The following FBXO43 variants were observed in gnomAD, a reference collection of about 807,000 sequenced individuals.
The protein encoded by FBXO43 is F-box only protein 43.
FBXO43 carries 22 observed loss-of-function variants against 56.7 expected under a neutral mutation model. The ratio of observed to expected loss-of-function variants is 0.39; its 90% CI spans 0.28 to 0.55. The LOEUF is 0.55. Ranked by LOEUF, FBXO43 falls within the 20% of genes least tolerant of loss-of-function variation. The pLI is 0.66. For missense variants in FBXO43, 733 were observed against 814.9 expected, an observed-to-expected ratio of 0.90 and a Z score of 1.22; for synonymous variants, 306 against 294.5, an observed-to-expected ratio of 1.04 and a Z score of -0.40.
upstream of FBXO43, among the ~76,000 whole-genome samples, chr8:100,149,397 G>T (rs2453638): frequency 0.6 from 91,167 of 152,050 alleles, 27,634 homozygotes; most frequent in East Asian, 0.72. Context: ...GTCATCTTTC[G>T]CTTAGGATAA....
At position 100,137,981 on chromosome 8, in the gene FBXO43, A is replaced by G. The variant is rs1302988385; in HGVS notation, c.1572-314T>C. ...TTCAAATGTAACATTAAAAATTTGG[A>G]ACAAGAGATGCAGGAAATGATTGTC... is the stretch of plus-strand genomic sequence containing the variant. On this transcript the variant is annotated intron_variant, in intron 2 of 4. Transcript: ENST00000428847. Among the ~76,000 whole-genome samples the G allele has an allele frequency of 2.6e-5, 4 of 152,330 alleles. No individual in the cohort carries two copies. In the East Asian group the frequency reaches 7.7e-4, roughly 29 times the overall value.
intron 3 of FBXO43, 102 bp downstream of exon 3, chr8:100,137,462 GA>G: frequency 1.4e-6 from 1 of 706,872 alleles, no homozygotes; most frequent in Non-Finnish European, 2.3e-6. Flanking sequence ...TTGTTAAATG[GA>G]AAAGGTTAAA....
chr8:100,140,806 G>T lies in FBXO43; in HGVS notation c.1448C>A (p.Ala483Glu). Residue 483 changes from alanine to glutamate, a missense_variant, in exon 2 of 5, where the codon GCA (alanine) becomes GAA (glutamate). Physicochemically the swap from Ala to Glu is moderately radical, Grantham distance 107. Coordinates refer to ENST00000428847, the MANE Select transcript of FBXO43 (RefSeq NM_001029860.4). ...EKIAVLQCIL[A>E]GLIGKKMGIE... ...ACCCATTTTCTTGCCGATCAGTCCTGCAAGTATACACTGCAGTACAGCTAT... is the reference window on the plus strand; with the variant it reads ...ACCCATTTTCTTGCCGATCAGTCCTTCAAGTATACACTGCAGTACAGCTAT... The T allele has an allele frequency of 6.2e-7, 1 of 1,614,170 alleles. No individual in the cohort carries two copies. Among genetic ancestry groups the T allele is most frequent in the Non-Finnish European group, 8.5e-7 (1 of 1,180,020 alleles).
rs746267884 is a variant in FBXO43 at position 100,141,348 on chromosome 8, C to T, written c.906G>A (p.Pro302=). 1.4e-5 allele frequency: 22 copies of T among 1,613,436 alleles called. No homozygotes were observed. The highest frequency in any genetic ancestry group is 1.6e-4 in the Middle Eastern group (1 of 6,084). ...TAATGTTTGCCACAAGATTACTTATCGGAGTCACAAATATGTCCTCATCTG... is the reference window on the plus strand; with the variant it reads ...TAATGTTTGCCACAAGATTACTTATTGGAGTCACAAATATGTCCTCATCTG... ...CGTDEDIFVT[P]ISNLVANIRF... Residue 302 remains proline (P), a synonymous_variant, in exon 2 of 5, where the codon CCG becomes CCA. Transcript: ENST00000428847.
Position 100,141,317 on chromosome 8 carries a change from TA to T in FBXO43, c.936del (p.Phe312LeufsTer13). 1 of 1,614,026 alleles carries T rather than the reference TA, an allele frequency of 6.2e-7. No individual in the cohort carries two copies. Among genetic ancestry groups the T allele is most frequent in the Non-Finnish European group, 8.5e-7 (1 of 1,180,042 alleles). The stretch of plus-strand genomic sequence containing the variant: ...GAAGGAGAAAGTATTTGACTTGCGT[TA>T]AATCTAATGTTTGCCACAAGATTAC... ...PISNLVANIR[F>X]NASQILSPSP... On this transcript the variant is annotated frameshift_variant, in exon 2 of 5. Transcript: ENST00000428847. LOFTEE classifies it high-confidence loss of function.
At chr8:100,148,104 G>A (rs1814863385), upstream of FBXO43, among the ~76,000 whole-genome samples, 2 of 152,134 alleles carry the variant, frequency 1.3e-5, no homozygotes, top group Admixed American at 6.5e-5. Context: ...CCATCCCAAT[G>A]TAAACAGGGC....
rs767929410 is a variant in FBXO43, at chr8:100,134,230, TC to T, written c.1808del (p.Gly603GlufsTer4). The stretch of plus-strand genomic sequence containing the variant: ...AGCTTGCTAGAGGTGTCAAAACTTC[TC>T]CCCAGGGAGATAATGTTGACCCTTG... ...REQGSTLSPW[G>X]EVLTPLASSS... On this transcript the variant is annotated frameshift_variant, in exon 4 of 5. Coordinates refer to ENST00000428847, the MANE Select transcript of FBXO43 (RefSeq NM_001029860.4). LOFTEE classifies it high-confidence loss of function. 1 of 1,614,172 alleles carries T rather than the reference TC, an allele frequency of 6.2e-7. No homozygotes were observed. The highest frequency in any genetic ancestry group is 2.2e-5 in the East Asian group (1 of 44,888).
At chr8:100,144,196 T>A (rs1394878026) in intron 1 of FBXO43, among the ~76,000 whole-genome samples, 2 of 152,216 alleles carry the variant, frequency 1.3e-5, no homozygotes, top group Admixed American at 1.3e-4. Flanking sequence ...AATGCAGATA[T>A]TATCTCTTTC....
intron 3 of FBXO43, among the ~76,000 whole-genome samples, chr8:100,135,927 C>CTT (rs76409293): frequency 3.6e-5 from 5 of 140,510 alleles, no homozygotes; most frequent in African/African-American, 7.7e-5. Flanking sequence ...TATTTCTTTT[C>CTT]TTTTTTTTTT....
chr8:100,133,682 CA>C lies in FBXO43; in HGVS notation c.*119del. The C allele has an allele frequency of 1.7e-6, 2 of 1,193,274 alleles. No homozygotes were observed. The highest frequency in any genetic ancestry group is 1.2e-6 in the Non-Finnish European group (1 of 865,580). The allele number at this position is 1,193,274 out of a possible 1,614,324, so 73.9% of individuals were successfully genotyped here. Reference sequence around the variant, plus strand: ...ACAATGACATCGATTATAATATATACAAAATAGGAAATTAATCATCACCTGT... The same window carrying C: ...ACAATGACATCGATTATAATATATACAAATAGGAAATTAATCATCACCTGT... On this transcript the variant is annotated 3_prime_UTR_variant, in exon 5 of 5. Transcript: ENST00000428847.
At chr8:100,147,425 TC>T (rs1814855107), upstream of FBXO43, among the ~76,000 whole-genome samples, 1 of 152,114 alleles carries the variant, frequency 6.6e-6, no homozygotes, top group Non-Finnish European at 1.5e-5. Flanking sequence ...AATTTCAAAC[TC>T]AAAACAAAAT....
At chr8:100,148,220 A>G (rs1475923725), upstream of FBXO43, among the ~76,000 whole-genome samples, 2 of 141,604 alleles carry the variant, frequency 1.4e-5, no homozygotes, top group Non-Finnish European at 3.1e-5. Context: ...GAGATATTTT[A>G]TTATGTCTGA....
At position 100,134,048 on chromosome 8, in the gene FBXO43, A is replaced by T. The variant is rs200374435; in HGVS notation, c.1881T>A (p.Val627=). The change falls in exon 5 of 5, where the codon GTT becomes GTA. Residue 627 remains valine, a splice_region_variant and synonymous_variant. Transcript: ENST00000428847. The part of the protein sequence containing the change: ...LSSKQEEYVK[V]AKTLFTDEAL... ...CTTCATCAGTAAAAAGTGTTTTGGC[A>T]ACCTGCAGTGAAAGCACACACACTA... is the stretch of plus-strand genomic sequence containing the variant. 226 of 1,613,236 alleles carry T rather than the reference A, an allele frequency of 1.4e-4. No homozygotes were observed. Among genetic ancestry groups the T allele is most frequent in the African/African-American group, 2.7e-5 (2 of 74,908 alleles).
At chr8:100,148,503 C>T (rs1814867878), upstream of FBXO43, among the ~76,000 whole-genome samples, 1 of 152,196 alleles carries the variant, frequency 6.6e-6, no homozygotes, top group Non-Finnish European at 1.5e-5. Context: ...CCTTCGCCTC[C>T]CGGGTTCAAG....
chr8:100,139,612 G>C (rs539494126), intron 2 of FBXO43, among the ~76,000 whole-genome samples: 19 of 152,202 alleles, frequency 1.2e-4, no homozygotes, highest in Admixed American at 1.1e-3. Flanking sequence ...CTTGTCTTCT[G>C]ATAGTCCTGT....
chr8:100,135,601 A>C (rs1814445594), intron 3 of FBXO43, among the ~76,000 whole-genome samples: 1 of 151,966 alleles, frequency 6.6e-6, no homozygotes, highest in Non-Finnish European at 1.5e-5. Flanking sequence ...GCTAGAATAT[A>C]AGGATATAAT....
At chr8:100,137,792 T>G in intron 2 of FBXO43, 125 bp from the exon 3 acceptor site, 1 of 665,266 alleles carries the variant, frequency 1.5e-6, no homozygotes, top group Non-Finnish European at 2.6e-6. Context: ...ACCTAAAAAT[T>G]TACATAAAAA....
At position 100,141,957 on chromosome 8, in the gene FBXO43, T is replaced by C. The variant is rs1333979531; in HGVS notation, c.297A>G (p.Lys99=). ...IDKEYLGKKE[K]GPTLLYEHPE... ...GGTGCTCATAGAGTAATGTTGGGCCTTTTTCTTTCTTTCCAAGATATTCTT... is the reference window on the plus strand; with the variant it reads ...GGTGCTCATAGAGTAATGTTGGGCCCTTTTCTTTCTTTCCAAGATATTCTT... The change falls in exon 2 of 5, where the codon AAA becomes AAG. Residue 99 remains lysine, a synonymous_variant. Coordinates refer to ENST00000428847, the MANE Select transcript of FBXO43 (RefSeq NM_001029860.4). The C allele has an allele frequency of 1.9e-6, 3 of 1,602,960 alleles. No homozygotes were observed. In the Admixed American group the frequency reaches 5.2e-5, roughly 28 times the overall value.
At chr8:100,137,954 A>G (rs1814524194) in intron 2 of FBXO43, among the ~76,000 whole-genome samples, 1 of 152,212 alleles carries the variant, frequency 6.6e-6, no homozygotes, top group Non-Finnish European at 1.5e-5. Context: ...AGAGGATTTA[A>G]CTTCAAATGT....
Sources: allele counts gnomAD v4.1 joint callset (sites outside exome capture counted in the v4.1 genomes callset), GRCh38; gene constraint gnomAD v4.1.1; transcripts MANE v1.5; gene names NCBI Gene and HGNC (gene_info 2026-07-23, HGNC 2026-07-21).